Variants in MICAL2 observed in about 807,000 individuals in gnomAD.
MICAL2 encodes [F-actin]-monooxygenase MICAL2.
A neutral mutation model predicts 127.3 loss-of-function variants in MICAL2; 77 were observed. The ratio of observed to expected loss-of-function variants is 0.60; its 90% CI spans 0.50 to 0.73. The LOEUF is 0.73. MICAL2 is among the 30% of genes least tolerant of loss of function. The pLI, the probability that MICAL2 is intolerant of heterozygous loss-of-function variation, is 0.00. For synonymous variants in MICAL2, 570 were observed against 551.1 expected, an observed-to-expected ratio of 1.03 and a Z score of -0.48; for missense variants, 1,351 against 1,434.4, an observed-to-expected ratio of 0.94 and a Z score of 0.94.
intron 24 of MICAL2, among the ~76,000 whole-genome samples, chr11:12,257,867 C>T (rs1207571827): frequency 6.6e-6 from 1 of 152,186 alleles, no homozygotes; most frequent in Non-Finnish European, 1.5e-5. Context: ...TGGTCCTGGG[C>T]AGTGGCAGTT....
intron 22 of MICAL2, among the ~76,000 whole-genome samples, chr11:12,251,602 AAAGG>A (rs1861564521): frequency 7.1e-6 from 1 of 141,096 alleles, no homozygotes; most frequent in Non-Finnish European, 1.5e-5. Context: ...AAAAAAAAAA[AAAGG>A]AATGTCACCC....
intron 34 of MICAL2, among the ~76,000 whole-genome samples, chr11:12,357,535 A>G (rs1467999311): frequency 6.6e-6 from 1 of 152,182 alleles, no homozygotes; most frequent in Non-Finnish European, 1.5e-5. Context: ...GTTTGTCATT[A>G]ACTACACATG....
At chr11:12,211,817 C>T (rs963792800) in intron 6 of MICAL2, among the ~76,000 whole-genome samples, 6 of 152,170 alleles carry the variant, frequency 3.9e-5, no homozygotes, top group African/African-American at 7.2e-5. Context: ...ACAGGAGACC[C>T]GGCTTCCCTG....
At chr11:12,229,651 A>G (rs1440595170) in intron 15 of MICAL2, among the ~76,000 whole-genome samples, 1 of 152,218 alleles carries the variant, frequency 6.6e-6, no homozygotes, top group Non-Finnish European at 1.5e-5. Context: ...CAGAATTGAA[A>G]CAGCCTGGCC....
At chr11:12,145,092 G>A (rs1852753224) in intron 2 of MICAL2, among the ~76,000 whole-genome samples, 1 of 152,020 alleles carries the variant, frequency 6.6e-6, no homozygotes, top group Non-Finnish European at 1.5e-5. Context: ...CCAGTTTCTG[G>A]TCTGTTCACT....
chr11:12,136,457 A>G (rs1851845325), intron 1 of MICAL2, among the ~76,000 whole-genome samples: 1 of 152,144 alleles, frequency 6.6e-6, no homozygotes, highest in Admixed American at 6.5e-5. Flanking sequence ...TAACTACCCA[A>G]GGCAATACCT....
At chr11:12,238,362 A>G (rs1242046121) in intron 16 of MICAL2, among the ~76,000 whole-genome samples, 1 of 152,228 alleles carries the variant, frequency 6.6e-6, no homozygotes, top group Non-Finnish European at 1.5e-5. Flanking sequence ...GAAATCTTAT[A>G]TGGAACTCCG....
At chr11:12,133,054 A>T (rs1433051709) in intron 1 of MICAL2, among the ~76,000 whole-genome samples, 1 of 152,068 alleles carries the variant, frequency 6.6e-6, no homozygotes, top group East Asian at 1.9e-4. Context: ...CTACCAGGCC[A>T]TGGATTTTTT....
At chr11:12,303,553 T>C (rs1419908047) in intron 29 of MICAL2, 1 of 152,244 alleles carries the variant, frequency 6.6e-6, no homozygotes, top group Non-Finnish European at 1.5e-5. Flanking sequence ...ATGCATCAGA[T>C]TCTGAAGACT....
chr11:12,313,961 A>AATT (rs1177699989), intron 29 of MICAL2, among the ~76,000 whole-genome samples: 126 of 43,784 alleles, frequency 2.9e-3, no homozygotes, highest in African/African-American at 0.011. Context: ...TCTTGGTCTG[A>AATT]TTTTTTTTTT....
chr11:12,224,853 C>T (rs746014766), intron 13 of MICAL2, 33 bp downstream of exon 13: 79 of 1,588,668 alleles, frequency 5.0e-5, no homozygotes, highest in South Asian at 3.2e-4. Flanking sequence ...CCCCTGGAGA[C>T]GAGGGATGCC....
At chr11:12,162,638 G>C (rs1000832740) in intron 3 of MICAL2, among the ~76,000 whole-genome samples, 6 of 152,242 alleles carry the variant, frequency 3.9e-5, no homozygotes, top group African/African-American at 1.4e-4. Context: ...AGGGAAGCCA[G>C]AGGCAAAGTT....
chr11:12,193,667 C>T (rs1007294431), intron 3 of MICAL2, among the ~76,000 whole-genome samples: 1 of 152,208 alleles, frequency 6.6e-6, no homozygotes, highest in East Asian at 1.9e-4. Context: ...CTCCCAGCTC[C>T]ACCCTTTATC....
chr11:12,312,914 C>G (rs12275007), intron 29 of MICAL2, among the ~76,000 whole-genome samples: 1 of 152,062 alleles, frequency 6.6e-6, no homozygotes, highest in African/African-American at 2.4e-5. Context: ...CGCCTGTAAT[C>G]TCAGCACTTT....
chr11:12,353,114 A>G (rs1939078369), intron 33 of MICAL2, among the ~76,000 whole-genome samples: 1 of 151,312 alleles, frequency 6.6e-6, no homozygotes, highest in South Asian at 2.2e-4. Flanking sequence ...ACCTTGGCCC[A>G]TGTAGTAGCA....
Position 12,147,086 on chromosome 11 carries a change from G to A in MICAL2, c.-78+8626G>A, listed in dbSNP as rs1015454940. Reference sequence around the variant, plus strand: ...GGGGTGGGGGGAGCAGGGAAGGATAGCATTAGGAGATATATCTAATGCAAA... The same window carrying A: ...GGGGTGGGGGGAGCAGGGAAGGATAACATTAGGAGATATATCTAATGCAAA... On this transcript the variant is annotated intron_variant, in intron 2 of 27. Coordinates refer to ENST00000683283, the MANE Select transcript of MICAL2 (RefSeq NM_001282663.2). 1.7e-4 allele frequency among the ~76,000 whole-genome samples: 26 copies of A among 152,168 alleles called. 1 individual carries two copies. In the East Asian group the frequency reaches 4.6e-3, roughly 27 times the overall value.
intron 6 of MICAL2, among the ~76,000 whole-genome samples, chr11:12,212,441 C>T (rs1460921383): frequency 6.6e-6 from 1 of 152,122 alleles, no homozygotes; most frequent in Non-Finnish European, 1.5e-5. Flanking sequence ...GGCACCGCTG[C>T]TTTCCAGCCT....
intron 29 of MICAL2, among the ~76,000 whole-genome samples, chr11:12,301,187 A>C (rs1707835380): frequency 6.6e-6 from 1 of 152,210 alleles, no homozygotes; most frequent in Non-Finnish European, 1.5e-5. Context: ...ACCAGCCCCC[A>C]TGATTCAATT....
chr11:12,295,147 T>C (rs1483786412), downstream of MICAL2, among the ~76,000 whole-genome samples: 1 of 149,270 alleles, frequency 6.7e-6, no homozygotes, highest in African/African-American at 2.4e-5. Context: ...TTTGTATCTT[T>C]TTTTTTTTTT....
Sources: gnomAD v4.1 joint callset for allele counts (sites outside exome capture counted in the v4.1 genomes callset) on GRCh38, gnomAD v4.1.1 for gene constraint, MANE v1.5 for transcripts, NCBI Gene and HGNC (gene_info 2026-07-23, HGNC 2026-07-21) for gene names.